The following DCK variants were observed in gnomAD, a reference collection of about 807,000 sequenced individuals.
The protein encoded by DCK is deoxycytidine kinase, also known as deoxyadenosine kinase.
In DCK, 23 loss-of-function variants were observed where a neutral mutation model predicts 38.3. The observed-to-expected ratio is 0.60, with a 90% confidence interval of 0.43 to 0.85. The LOEUF is 0.85. DCK is among the 40% of genes least tolerant of loss of function. The pLI is 0.00. For synonymous variants in DCK, 108 were observed against 100.6 expected (o/e 1.07, Z -0.44); for missense variants, 259 against 304.4 (o/e 0.85, Z 1.11).
At chr4:71,016,593 C>T (rs1354744078) in intron 2 of DCK, among the ~76,000 whole-genome samples, 4 of 152,100 alleles carry the variant, frequency 2.6e-5, no homozygotes, top group Non-Finnish European at 5.9e-5. Context: ...GAGATATAGA[C>T]CAATGGAACA....
chr4:71,004,317 T>C (rs1257309633), intron 2 of DCK, among the ~76,000 whole-genome samples: 1 of 152,186 alleles, frequency 6.6e-6, no homozygotes, highest in South Asian at 2.1e-4. Flanking sequence ...TGCTGCCTGC[T>C]CCTTCCTCAG....
chr4:70,995,882 C>T (rs1470356394), intron 1 of DCK, among the ~76,000 whole-genome samples: 2 of 152,058 alleles, frequency 1.3e-5, no homozygotes, highest in South Asian at 2.1e-4. Flanking sequence ...AACTGATAGC[C>T]TGCAATTGCA....
intron 2 of DCK, among the ~76,000 whole-genome samples, chr4:71,004,084 C>T (rs990674030): frequency 6.6e-6 from 1 of 152,178 alleles, no homozygotes; most frequent in Non-Finnish European, 1.5e-5. Context: ...TTTTCTTCAT[C>T]TTTGTGGATT....
rs767234705 is a variant in DCK at position 71,023,586 on chromosome 4, A to T, written c.429A>T (p.Glu143Asp). 9.3e-6 allele frequency: 15 copies of T among 1,606,360 alleles called. No homozygotes were observed. Among genetic ancestry groups the T allele is most frequent in the Non-Finnish European group, 1.1e-5 (13 of 1,174,612 alleles). The change falls in exon 4 of 7, where the codon GAA (glutamate) becomes GAT (aspartate). Residue 143 changes from glutamate (E) to aspartate (D), a missense_variant. By Grantham distance (45) the Glu-to-Asp change is conservative. Coordinates refer to ENST00000286648, the MANE Select transcript of DCK (RefSeq NM_000788.3). Reference sequence around the variant, plus strand: ...ATATTTTTGCATCTAATTTGTATGAATCTGAATGCATGAATGAGACAGAGT... The same window carrying T: ...ATATTTTTGCATCTAATTTGTATGATTCTGAATGCATGAATGAGACAGAGT... ...DRYIFASNLY[E>D]SECMNETEWT... is the part of the protein sequence containing the mutation.
At chr4:71,026,878 T>G in intron 6 of DCK, 123 bp downstream of exon 6, 1 of 562,948 alleles carries the variant, frequency 1.8e-6, no homozygotes, top group Non-Finnish European at 3.1e-6. Flanking sequence ...GTTAAGAGCT[T>G]TAGAAGATTT....
At chr4:71,000,740 C>T (rs1052910077) in intron 2 of DCK, among the ~76,000 whole-genome samples, 2 of 152,094 alleles carry the variant, frequency 1.3e-5, no homozygotes, top group Admixed American at 6.5e-5. Flanking sequence ...CCTTCACATC[C>T]GTTGTAAGTT....
chr4:71,017,401 C>T (rs577097014), intron 2 of DCK, among the ~76,000 whole-genome samples: 110 of 152,226 alleles, frequency 7.2e-4, no homozygotes, highest in African/African-American at 2.6e-3. Flanking sequence ...ACTAGAAATA[C>T]CATTTGACCC....
In DCK at chr4:71,022,567, A is replaced by G. The variant is rs778533400; in HGVS notation, c.401+7A>G. ...GATCTGTGTATAGTGACAGGTATGT[A>G]TAAATGGCTTGTACGTGGCCATTTG... On this transcript the variant is annotated splice_region_variant and intron_variant, in intron 3 of 6. Transcript: ENST00000286648. 6.9e-7 allele frequency: 1 copy of G among 1,446,268 alleles called. No individual in the cohort carries two copies. The highest frequency in any genetic ancestry group is 1.5e-5 in the South Asian group (1 of 64,652). 89.6% of individuals were successfully genotyped at this position (1,446,268 alleles called of 1,614,324 possible).
At chr4:71,017,392 C>T (rs558856100) in intron 2 of DCK, among the ~76,000 whole-genome samples, 7 of 152,128 alleles carry the variant, frequency 4.6e-5, no homozygotes, top group African/African-American at 1.7e-4. Flanking sequence ...GGATCTAGAA[C>T]TAGAAATACC....
intron 2 of DCK, among the ~76,000 whole-genome samples, chr4:71,008,028 A>G (rs12648166): frequency 0.48 from 72,636 of 152,162 alleles, 20,519 homozygotes; most frequent in Admixed American, 0.63. Flanking sequence ...TGTGGGGCCT[A>G]TAGTATTTAA....
intron 1 of DCK, 141 bp from the exon 2 acceptor site, chr4:70,997,926 A>C (rs952860007): frequency 2.5e-5 from 12 of 473,818 alleles, no homozygotes; most frequent in Non-Finnish European, 4.2e-5. Flanking sequence ...CTAAAGAAAT[A>C]TGAAGAGAAA....
intron 2 of DCK, among the ~76,000 whole-genome samples, chr4:71,018,959 G>A (rs559373641): frequency 2.7e-4 from 41 of 151,972 alleles, no homozygotes; most frequent in Non-Finnish European, 4.3e-4. Context: ...GGCCTGAGCT[G>A]CCTCACCTGG....
At chr4:70,999,535 C>T (rs1031034299) in intron 2 of DCK, among the ~76,000 whole-genome samples, 2 of 152,044 alleles carry the variant, frequency 1.3e-5, no homozygotes, top group Admixed American at 6.6e-5. Flanking sequence ...GGGTATATAC[C>T]CAGTAATGGG....
At chr4:71,013,688 C>G (rs973498740) in intron 2 of DCK, among the ~76,000 whole-genome samples, 1 of 152,130 alleles carries the variant, frequency 6.6e-6, no homozygotes, top group Non-Finnish European at 1.5e-5. Context: ...GAAATAAAAT[C>G]CTTTACAGAC....
At chr4:71,024,225 G>A (rs1038147366) in intron 4 of DCK, among the ~76,000 whole-genome samples, 2 of 152,090 alleles carry the variant, frequency 1.3e-5, no homozygotes, top group Non-Finnish European at 2.9e-5. Flanking sequence ...TGGAATGAGT[G>A]GATAATGGCA....
At chr4:71,019,760 T>C (rs1740362842) in intron 2 of DCK, among the ~76,000 whole-genome samples, 2 of 149,242 alleles carry the variant, frequency 1.3e-5, no homozygotes, top group South Asian at 4.4e-4. Flanking sequence ...ACACGTTACA[T>C]TTGGTGGTTG....
intron 2 of DCK, among the ~76,000 whole-genome samples, chr4:71,020,020 T>A (rs987398307): frequency 6.6e-6 from 1 of 152,230 alleles, no homozygotes; most frequent in East Asian, 1.9e-4. Flanking sequence ...ACTCCTGATC[T>A]CAGGTGATCT....
At position 71,017,425 on chromosome 4, in the gene DCK, G is replaced by C. The variant is rs998208574; in HGVS notation, c.208-4942G>C. ...ACCATTTGACCCAGCCATCCCATTA[G>C]TGGGTATATACCCAAAGGATTATAA... On this transcript the variant is annotated intron_variant, in intron 2 of 6. Coordinates refer to ENST00000286648, the MANE Select transcript of DCK (RefSeq NM_000788.3). Among the ~76,000 whole-genome samples, 41 of 152,208 alleles carry C rather than the reference G, an allele frequency of 2.7e-4. 1 individual carries two copies. In the East Asian group the frequency reaches 3.5e-3, roughly 13 times the overall value.
chr4:71,018,632 C>G (rs1345109594), intron 2 of DCK, among the ~76,000 whole-genome samples: 4 of 149,140 alleles, frequency 2.7e-5, no homozygotes, highest in African/African-American at 4.9e-5. Flanking sequence ...AATTAACATT[C>G]AGTTTGGTAA....
Sources: allele counts gnomAD v4.1 joint callset (sites outside exome capture counted in the v4.1 genomes callset), GRCh38; gene constraint gnomAD v4.1.1; transcripts MANE v1.5; gene names NCBI Gene and HGNC (gene_info 2026-07-23, HGNC 2026-07-21).